Variants in CUL4A observed in about 807,000 individuals in gnomAD.
CUL4A encodes the protein cullin-4A.
A neutral mutation model predicts 95.5 loss-of-function variants in CUL4A; 16 were observed. That is an observed-to-expected ratio of 0.17 (90% CI 0.11 to 0.25). CUL4A has a LOEUF of 0.25. CUL4A is among the 10% of genes least tolerant of loss of function. CUL4A has a pLI of 1.00. For missense variants in CUL4A, 610 were observed against 937.0 expected, an observed-to-expected ratio of 0.65 and a Z score of 4.56; for synonymous variants, 380 against 353.1, an observed-to-expected ratio of 1.08 and a Z score of -0.85.
rs2042084883 is a variant in CUL4A at position 113,254,966 on chromosome 13, G to A, written c.1872G>A (p.Leu624=). The A allele has an allele frequency of 1.9e-6, 3 of 1,612,698 alleles. No individual in the cohort carries two copies. Among genetic ancestry groups the A allele is most frequent in the Non-Finnish European group, 2.5e-6 (3 of 1,179,394 alleles). The stretch of plus-strand genomic sequence containing the variant: ...CTTCCCATTCAGAGGATAGTGAATT[G>A]CGCAGAACGCTGCAGTCCCTGGCCT... ...KMATGIEDSE[L]RRTLQSLACG... The change falls in exon 18 of 20, where the codon TTG becomes TTA. Residue 624 remains leucine (L), a synonymous_variant. Coordinates refer to ENST00000375440, the MANE Select transcript of CUL4A (RefSeq NM_001008895.4).
rs202083413 is a variant in CUL4A, at chr13:113,242,278, A to C, written c.1036-690A>C. ...GAGTCCATCTCAAAACAAAAAAAAA[A>C]AAGTACAAACTAAAAAAGTGAGCTT... On this transcript the variant is annotated intron_variant, in intron 10 of 19. Coordinates refer to ENST00000375440, the MANE Select transcript of CUL4A (RefSeq NM_001008895.4). 1.2e-4 allele frequency among the ~76,000 whole-genome samples: 19 copies of C among 152,274 alleles called. No homozygotes were observed. In the East Asian group the frequency reaches 3.7e-3, roughly 29 times the overall value.
chr13:113,232,011 GCCA>G lies in CUL4A; in HGVS notation c.513-1150_513-1148del, dbSNP rs1183674336. On this transcript the variant is annotated intron_variant, in intron 5 of 19. Transcript: ENST00000375440. ...CCACCCGCCTACCACTGTTACTACT[GCCA>G]CCACCACCACCACCATTACTGCTGC... Among the ~76,000 whole-genome samples the G allele has an allele frequency of 5.9e-5, 4 of 67,742 alleles. 1 individual carries two copies. The highest frequency in any genetic ancestry group is 1.2e-4 in the African/African-American group (3 of 25,908). 44.4% of individuals were successfully genotyped at this position (67,742 alleles called of 152,430 possible).
chr13:113,262,073 C>G (rs1457068101), intron 19 of CUL4A, among the ~76,000 whole-genome samples: 1 of 152,180 alleles, frequency 6.6e-6, no homozygotes, highest in Non-Finnish European at 1.5e-5. Context: ...CCACCGCGCC[C>G]AGCCTCAGCC....
chr13:113,237,004 C>T, intron 9 of CUL4A, 114 bp downstream of exon 9: 1 of 674,862 alleles, frequency 1.5e-6, no homozygotes, highest in East Asian at 3.0e-5. Context: ...TTTCATAAGA[C>T]AGTCATTAAA....
upstream of CUL4A, among the ~76,000 whole-genome samples, chr13:113,209,172 C>T (rs1161256810): frequency 2.0e-5 from 3 of 147,722 alleles, no homozygotes; most frequent in East Asian, 6.2e-4. Context: ...GTCTCACGCC[C>T]GGGGTGGGGG....
chr13:113,251,559 G>A (rs538126752), intron 15 of CUL4A, among the ~76,000 whole-genome samples: 28 of 152,224 alleles, frequency 1.8e-4, no homozygotes, highest in South Asian at 6.2e-4. Context: ...GGAAGCGACC[G>A]GATCATGGGG....
chr13:113,241,931 C>T (rs1324809703), intron 10 of CUL4A, among the ~76,000 whole-genome samples: 5 of 152,068 alleles, frequency 3.3e-5, no homozygotes, highest in African/African-American at 9.7e-5. Flanking sequence ...AGTTCCTCTT[C>T]GGCATATATA....
At chr13:113,213,568 C>T (rs973948202) in intron 2 of CUL4A, among the ~76,000 whole-genome samples, 6 of 152,154 alleles carry the variant, frequency 3.9e-5, no homozygotes, top group Non-Finnish European at 7.3e-5. Flanking sequence ...CTACTCTTTT[C>T]CTGGAGATTT....
chr13:113,209,001 G>T (rs2040198413), upstream of CUL4A: 1 of 892,974 alleles, frequency 1.1e-6, no homozygotes, highest in Non-Finnish European at 1.4e-6. Context: ...GACCCTCCGC[G>T]CCTGGCTGGG....
At chr13:113,243,388 A>C (rs1015870608) in intron 11 of CUL4A, among the ~76,000 whole-genome samples, 2 of 152,152 alleles carry the variant, frequency 1.3e-5, no homozygotes, top group African/African-American at 4.8e-5. Context: ...AAGATGAGGT[A>C]AGAATTTAGA....
rs2040275033 is a variant in CUL4A, at chr13:113,209,673, G to A, written c.46G>A (p.Gly16Ser). The stretch of plus-strand genomic sequence containing the variant: ...GAAGGGCAGCTTCTCGGCGCTCGTG[G>A]GCCGCACCAACGGCCTCACCAAGCC... ...PRKGSFSALV[G>S]RTNGLTKPAA... The change falls in exon 1 of 20, where the codon GGC becomes AGC. Residue 16 changes from glycine to serine, a missense_variant. This residue lies in a region of CUL4A where 168 missense variants were observed against 185.5 expected (regional missense o/e 0.91). Coordinates refer to ENST00000375440, the MANE Select transcript of CUL4A (RefSeq NM_001008895.4). 1 of 1,141,708 alleles carries A rather than the reference G, an allele frequency of 8.8e-7. No homozygotes were observed. Among genetic ancestry groups the A allele is most frequent in the Non-Finnish European group, 1.1e-6 (1 of 931,050 alleles). The allele number at this position is 1,141,708 out of a possible 1,614,324, so 70.7% of individuals were successfully genotyped here.
At chr13:113,208,756 G>C, upstream of CUL4A, 2 of 1,449,454 alleles carry the variant, frequency 1.4e-6, no homozygotes, top group Non-Finnish European at 9.1e-7. Flanking sequence ...TGCGCAGGTT[G>C]GTTCCGGAGG....
intron 11 of CUL4A, 110 bp downstream of exon 11, chr13:113,243,270 G>C (rs1469087586): frequency 3.0e-6 from 3 of 1,004,470 alleles, no homozygotes; most frequent in Non-Finnish European, 2.9e-6. Context: ...AAATGTTCAA[G>C]CTGCTCAAGG....
rs1236169341 is a variant in CUL4A, at chr13:113,265,791, T to C, written c.*2209T>C. 1 of 152,160 alleles carries C rather than the reference T, an allele frequency of 6.6e-6. No homozygotes were observed. Among genetic ancestry groups the C allele is most frequent in the Non-Finnish European group, 1.5e-5 (1 of 68,022 alleles). 9.4% of individuals were successfully genotyped at this position (152,160 alleles called of 1,614,324 possible). A position where few individuals can be genotyped will look rare whatever the true frequency, so the allele number is the denominator to read the frequency against. On this transcript the variant is annotated 3_prime_UTR_variant, in exon 20 of 20. Transcript: ENST00000375440. Reference sequence around the variant, plus strand: ...TTAAAGGTCAGTGTGGTAAAACAAATAGTATAGAAGAAATCATTGAAAAAG... The same window carrying C: ...TTAAAGGTCAGTGTGGTAAAACAAACAGTATAGAAGAAATCATTGAAAAAG...
intron 8 of CUL4A, 32 bp from the exon 9 acceptor site, chr13:113,236,791 C>T (rs2041559988): frequency 6.7e-7 from 1 of 1,484,828 alleles, no homozygotes; most frequent in Non-Finnish European, 9.3e-7. Context: ...TTAAACTTTA[C>T]TTCTAACGCT....
upstream of CUL4A, among the ~76,000 whole-genome samples, chr13:113,209,340 G>A (rs1400224312): frequency 6.8e-6 from 1 of 147,794 alleles, no homozygotes; most frequent in Non-Finnish European, 1.5e-5. Context: ...GGAGCCGGGG[G>A]TGAGGGTCCC....
chr13:113,209,913 TG>T, intron 1 of CUL4A, 59 bp from the exon 2 acceptor site: 1 of 1,321,590 alleles, frequency 7.6e-7, no homozygotes, highest in Non-Finnish European at 9.8e-7. Flanking sequence ...GGGTCGGGGG[TG>T]GCTACGCGGG....
chr13:113,260,887 G>A, intron 19 of CUL4A, 128 bp downstream of exon 19: 2 of 722,620 alleles, frequency 2.8e-6, no homozygotes, highest in Non-Finnish European at 4.4e-6. Context: ...TACACTGAAT[G>A]TAGAAAAACT....
chr13:113,259,667 T>G (rs1264247434), intron 18 of CUL4A, among the ~76,000 whole-genome samples: 1 of 152,250 alleles, frequency 6.6e-6, no homozygotes, highest in Non-Finnish European at 1.5e-5. Flanking sequence ...CTAATGTTGA[T>G]CAACACTTAA....
Sources: allele counts gnomAD v4.1 joint callset (sites outside exome capture counted in the v4.1 genomes callset), GRCh38; gene constraint gnomAD v4.1.1; regional missense constraint gnomAD v4.1.1; transcripts MANE v1.5; gene names NCBI Gene and HGNC (gene_info 2026-07-23, HGNC 2026-07-21).